TENM2: variants seen among roughly 807,000 people sequenced by gnomAD.
TENM2 encodes the protein teneurin transmembrane protein 2, also known as teneurin-2.
Under a neutral mutation model 245.2 loss-of-function variants are expected in TENM2, and 52 were observed. That is an observed-to-expected ratio of 0.21 (90% CI 0.17 to 0.27). TENM2 has a LOEUF of 0.27. TENM2 is among the 10% of genes least tolerant of loss of function. The probability of loss-of-function intolerance (pLI) is 1.00; values close to 1 mark genes in which losing one functional copy is unlikely to be tolerated. For missense variants in TENM2, 3,046 were observed against 3,666.8 expected, an observed-to-expected ratio of 0.83 and a Z score of 4.37; for synonymous variants, 1,363 against 1,438.9, an observed-to-expected ratio of 0.95 and a Z score of 1.19.
At chr5:167,814,859 G>C (rs1766924324) in intron 2 of TENM2, among the ~76,000 whole-genome samples, 2 of 152,154 alleles carry the variant, frequency 1.3e-5, no homozygotes, top group Non-Finnish European at 2.9e-5. Flanking sequence ...AGCTCCAGCA[G>C]CTCCAATCAG....
chr5:167,806,364 G>C (rs1017641576), intron 2 of TENM2, among the ~76,000 whole-genome samples: 3 of 151,940 alleles, frequency 2.0e-5, no homozygotes, highest in Admixed American at 6.6e-5. Context: ...GTGTATTATA[G>C]ATGAGAGCAT....
chr5:167,327,856 T>G (rs1757180624), intron 1 of TENM2, among the ~76,000 whole-genome samples: 1 of 152,198 alleles, frequency 6.6e-6, no homozygotes, highest in African/African-American at 2.4e-5. Flanking sequence ...TGGGGCTTTG[T>G]ATGTTTAGAA....
chr5:167,650,618 C>T (rs1754395220), intron 2 of TENM2, among the ~76,000 whole-genome samples: 1 of 152,100 alleles, frequency 6.6e-6, no homozygotes, highest in South Asian at 2.1e-4. Flanking sequence ...GTAACAACAA[C>T]TGCAGAAAAT....
chr5:167,482,496 T>A (rs576904520), intron 2 of TENM2, among the ~76,000 whole-genome samples: 1 of 152,288 alleles, frequency 6.6e-6, no homozygotes, highest in Non-Finnish European at 1.5e-5. Context: ...ACCTTCAGAT[T>A]TTTTTACAGA....
At chr5:167,624,754 T>C (rs1778391821) in intron 2 of TENM2, among the ~76,000 whole-genome samples, 1 of 152,212 alleles carries the variant, frequency 6.6e-6, no homozygotes, top group Non-Finnish European at 1.5e-5. Context: ...TCAAGAACTT[T>C]TCCTTAACAA....
At chr5:167,981,979 CA>C (rs58295569) in intron 4 of TENM2, among the ~76,000 whole-genome samples, 18,592 of 100,634 alleles carry the variant, frequency 0.18, 1,273 homozygotes, top group African/African-American at 0.29. Context: ...TGTTTCAGAC[CA>C]AAAAAAAAAA....
chr5:167,547,952 G>A (rs1772675296), intron 2 of TENM2, among the ~76,000 whole-genome samples: 2 of 152,112 alleles, frequency 1.3e-5, no homozygotes, highest in Admixed American at 1.3e-4. Context: ...ATCCATCAGG[G>A]CACTTTCTCG....
chr5:168,004,502 C>T (rs1198045187), intron 5 of TENM2, among the ~76,000 whole-genome samples: 1 of 95,524 alleles, frequency 1.0e-5, no homozygotes, highest in Admixed American at 1.0e-4. Context: ...TTGGGATGCA[C>T]GCATGCGCGC....
At chr5:168,013,945 A>G (rs1272532956) in intron 5 of TENM2, among the ~76,000 whole-genome samples, 1 of 152,202 alleles carries the variant, frequency 6.6e-6, no homozygotes, top group East Asian at 1.9e-4. Context: ...CTCCAGTTTT[A>G]CATGATATTC....
intron 3 of TENM2, among the ~76,000 whole-genome samples, chr5:167,902,823 A>T (rs1322119310): frequency 1.3e-5 from 2 of 152,224 alleles, no homozygotes; most frequent in Admixed American, 1.3e-4. Context: ...AAGGAGCAGG[A>T]CATTTAGGTT....
the TENM2 span, among the ~76,000 whole-genome samples, chr5:167,213,052 A>T: frequency 2.6e-5 from 4 of 152,246 alleles, no homozygotes; most frequent in African/African-American, 9.6e-5. Flanking sequence ...AAGTTAGCAG[A>T]CCAGATGAAT....
At position 168,256,811 on chromosome 5, in the gene TENM2, G is replaced by A. The variant is rs182735100; in HGVS notation, c.7433-3472G>A. 1.3e-3 allele frequency among the ~76,000 whole-genome samples: 201 copies of A among 152,306 alleles called. 2 individuals carry two copies. The highest frequency in any genetic ancestry group is 0.01 in the Middle Eastern group (3 of 294). ...AGTCTGTGCCCAAGGAAGGTGGATA[G>A]ATCAAAGCTCCCAGATTCCTTCTCC... On this transcript the variant is annotated intron_variant, in intron 27 of 28. Transcript: ENST00000518659.
At chr5:167,851,322 G>A (rs1056391410) in intron 2 of TENM2, among the ~76,000 whole-genome samples, 2 of 152,110 alleles carry the variant, frequency 1.3e-5, no homozygotes, top group African/African-American at 2.4e-5. Flanking sequence ...ATGCTTGTGT[G>A]CATAGTCATT....
intron 3 of TENM2, among the ~76,000 whole-genome samples, chr5:167,926,738 A>C (rs1777796262): frequency 6.7e-6 from 1 of 149,818 alleles, no homozygotes; most frequent in Non-Finnish European, 1.5e-5. Flanking sequence ...ACACACACAC[A>C]CACACACACA....
intron 2 of TENM2, among the ~76,000 whole-genome samples, chr5:167,551,611 TAC>T (rs757659966): frequency 2.0e-5 from 3 of 151,974 alleles, no homozygotes; most frequent in African/African-American, 4.8e-5. Flanking sequence ...CATACATACA[TAC>T]ACACACACAT....
rs575175794 is a variant in TENM2, at chr5:168,237,162, T to A, written c.5521-7258T>A. Among the ~76,000 whole-genome samples, 28 of 148,514 alleles carry A rather than the reference T, an allele frequency of 1.9e-4. 1 individual carries two copies. In the South Asian group the frequency reaches 6.1e-3, roughly 33 times the overall value. On this transcript the variant is annotated intron_variant, in intron 25 of 28. Transcript: ENST00000518659. Reference sequence around the variant, plus strand: ...TCCCAAGTAGCTGGGACTACAGGCATGCACCACCATGCCCAGCTAATTTTT... The same window carrying A: ...TCCCAAGTAGCTGGGACTACAGGCAAGCACCACCATGCCCAGCTAATTTTT...
intron 3 of TENM2, among the ~76,000 whole-genome samples, chr5:167,915,410 G>A (rs372013115): frequency 2.4e-4 from 36 of 152,194 alleles, no homozygotes; most frequent in East Asian, 7.7e-4. Flanking sequence ...GTCTGAATCC[G>A]TTCTTGGAAG....
chr5:167,626,418 A>G (rs1380913614), intron 2 of TENM2, among the ~76,000 whole-genome samples: 1 of 152,228 alleles, frequency 6.6e-6, no homozygotes, highest in Non-Finnish European at 1.5e-5. Context: ...TTGGTGTCAT[A>G]CATAAAACAA....
At chr5:167,146,685 C>T in the TENM2 span, among the ~76,000 whole-genome samples, 1 of 152,156 alleles carries the variant, frequency 6.6e-6, no homozygotes, top group African/African-American at 2.4e-5. Context: ...ACTCGAATCC[C>T]ATTCCGGGGA....
Sources: allele counts gnomAD v4.1 joint callset (sites outside exome capture counted in the v4.1 genomes callset), GRCh38; gene constraint gnomAD v4.1.1; transcripts MANE v1.5; gene names NCBI Gene and HGNC (gene_info 2026-07-23, HGNC 2026-07-21).